Variants in ADAMTS3 observed in about 807,000 individuals in gnomAD.
ADAMTS3 encodes A disintegrin and metalloproteinase with thrombospondin motifs 3.
A neutral mutation model predicts 129.0 loss-of-function variants in ADAMTS3; 73 were observed. The ratio of observed to expected loss-of-function variants is 0.57; its 90% CI spans 0.47 to 0.69. The LOEUF (loss-of-function observed/expected upper bound fraction) is 0.69, where lower values mean the gene tolerates loss of function less well. Ranked by LOEUF, ADAMTS3 falls within the 30% of genes least tolerant of loss-of-function variation. The probability of loss-of-function intolerance (pLI) is 0.00; values close to 1 mark genes in which losing one functional copy is unlikely to be tolerated. For missense variants in ADAMTS3, 1,457 were observed against 1,514.5 expected (o/e 0.96, Z 0.63); for synonymous variants, 477 against 510.8 (o/e 0.93, Z 0.89).
chr4:72,460,319 A>T (rs990984238), intron 3 of ADAMTS3, among the ~76,000 whole-genome samples: 2 of 151,616 alleles, frequency 1.3e-5, no homozygotes, highest in African/African-American at 2.4e-5. Flanking sequence ...CACATAGTAT[A>T]TGAACGTGTG....
At chr4:72,533,107 T>C (rs768355710) in intron 3 of ADAMTS3, among the ~76,000 whole-genome samples, 2 of 152,170 alleles carry the variant, frequency 1.3e-5, no homozygotes, top group African/African-American at 2.4e-5. Flanking sequence ...TATTTTATAA[T>C]TATACTTAGC....
chr4:72,346,729 T>A (rs1185468904), intron 4 of ADAMTS3, among the ~76,000 whole-genome samples: 1 of 152,194 alleles, frequency 6.6e-6, no homozygotes, highest in African/African-American at 2.4e-5. Flanking sequence ...CTCGTTGTTA[T>A]AGCTGAGATT....
intron 3 of ADAMTS3, among the ~76,000 whole-genome samples, chr4:72,455,897 T>TATAC (rs1560522071): frequency 3.3e-5 from 4 of 119,446 alleles, no homozygotes; most frequent in Non-Finnish European, 6.7e-5. Flanking sequence ...ATTTTATATA[T>TATAC]AGTATATACA....
chr4:72,439,470 CT>C (rs1718054648), intron 3 of ADAMTS3, among the ~76,000 whole-genome samples: 1 of 151,426 alleles, frequency 6.6e-6, no homozygotes, highest in African/African-American at 2.4e-5. Flanking sequence ...CATCAGTTTC[CT>C]TATTTTTTTC....
chr4:72,423,821 T>G (rs1467463394), intron 3 of ADAMTS3, among the ~76,000 whole-genome samples: 1 of 152,028 alleles, frequency 6.6e-6, no homozygotes, highest in East Asian at 1.9e-4. Flanking sequence ...GTACTATCTC[T>G]CTACTTAAAT....
chr4:72,552,565 A>G (rs1721671562), intron 2 of ADAMTS3, among the ~76,000 whole-genome samples: 1 of 152,140 alleles, frequency 6.6e-6, no homozygotes, highest in African/African-American at 2.4e-5. Flanking sequence ...CCCTTAATGG[A>G]TTATCCTCAA....
chr4:72,499,093 A>C (rs1719943127), intron 3 of ADAMTS3, among the ~76,000 whole-genome samples: 1 of 152,116 alleles, frequency 6.6e-6, no homozygotes, highest in South Asian at 2.1e-4. Context: ...TATTTTAGCA[A>C]GCACCCCATG....
At chr4:72,347,434 G>T (rs1456922455) in intron 4 of ADAMTS3, among the ~76,000 whole-genome samples, 4 of 151,750 alleles carry the variant, frequency 2.6e-5, no homozygotes, top group African/African-American at 9.7e-5. Flanking sequence ...TTCTTCTGTA[G>T]TCAACTATTC....
chr4:72,337,655 C>G lies in ADAMTS3; in HGVS notation c.861+1839G>C, dbSNP rs116539151. The stretch of plus-strand genomic sequence containing the variant: ...TGACTAAAACTAAAGCCTTACCCTC[C>G]TAAGTCCCAATTTAATACTTTTATC... On this transcript the variant is annotated intron_variant, in intron 5 of 21. Transcript: ENST00000286657. Among the ~76,000 whole-genome samples the G allele has an allele frequency of 4.5e-3, 688 of 152,218 alleles. 4 individuals are homozygous for G. Among genetic ancestry groups the G allele is most frequent in the African/African-American group, 0.016 (659 of 41,562 alleles).
At chr4:72,479,731 A>C (rs1719370617) in intron 3 of ADAMTS3, among the ~76,000 whole-genome samples, 1 of 152,194 alleles carries the variant, frequency 6.6e-6, no homozygotes, top group Non-Finnish European at 1.5e-5. Context: ...GCACAGCAAA[A>C]GAAACTACCA....
intron 4 of ADAMTS3, among the ~76,000 whole-genome samples, chr4:72,380,763 T>C (rs1721266158): frequency 6.6e-6 from 1 of 152,126 alleles, no homozygotes; most frequent in Non-Finnish European, 1.5e-5. Context: ...AAAGTGGCAG[T>C]CATCTCAGAG....
chr4:72,380,827 C>T lies in ADAMTS3; in HGVS notation c.661+33988G>A, dbSNP rs75229108. Among the ~76,000 whole-genome samples, 401 of 152,236 alleles carry T rather than the reference C, an allele frequency of 2.6e-3. 1 individual carries two copies. The highest frequency in any genetic ancestry group is 9.5e-3 in the African/African-American group (395 of 41,552). ...TTGAGAAACAAATTCCATAGAAATA[C>T]ATCATCTTGACATCTTAGTAAAGTG... On this transcript the variant is annotated intron_variant, in intron 4 of 21. Coordinates refer to ENST00000286657, the MANE Select transcript of ADAMTS3 (RefSeq NM_014243.3).
intron 14 of ADAMTS3, 53 bp from the exon 15 acceptor site, chr4:72,309,573 C>T: frequency 6.3e-7 from 1 of 1,589,670 alleles, no homozygotes; most frequent in Non-Finnish European, 8.6e-7. Context: ...CAGTAGTGGT[C>T]AACATCCCAG....
Position 72,553,740 on chromosome 4 carries a change from G to C in ADAMTS3, c.98-4856C>G, listed in dbSNP as rs949070403. Reference sequence around the variant, plus strand: ...GAAATGAGTCTGATAAGGGGTACATGTTCTCTTCCACTCAGCCAGGGGCAG... The same window carrying C: ...GAAATGAGTCTGATAAGGGGTACATCTTCTCTTCCACTCAGCCAGGGGCAG... On this transcript the variant is annotated intron_variant, in intron 2 of 21. Coordinates refer to ENST00000286657, the MANE Select transcript of ADAMTS3 (RefSeq NM_014243.3). Among the ~76,000 whole-genome samples the C allele has an allele frequency of 2.0e-5, 3 of 152,022 alleles. No homozygotes were observed. In the East Asian group the frequency reaches 5.8e-4, roughly 29 times the overall value.
intron 3 of ADAMTS3, among the ~76,000 whole-genome samples, chr4:72,530,268 A>G (rs1157207151): frequency 1.2e-5 from 1 of 82,038 alleles, no homozygotes; most frequent in Non-Finnish European, 2.1e-5. Context: ...TATTATATAT[A>G]ATATATAATA....
chr4:72,480,612 G>T lies in ADAMTS3; in HGVS notation c.505-65641C>A, dbSNP rs553665814. ...CTAATGCTAAATGACGAGTTAATGGGTGCAGCACACCAGCATGGCACATGT... is the reference window on the plus strand; with the variant it reads ...CTAATGCTAAATGACGAGTTAATGGTTGCAGCACACCAGCATGGCACATGT... On this transcript the variant is annotated intron_variant, in intron 3 of 21. Coordinates refer to ENST00000286657, the MANE Select transcript of ADAMTS3 (RefSeq NM_014243.3). Among the ~76,000 whole-genome samples, 64 of 151,752 alleles carry T rather than the reference G, an allele frequency of 4.2e-4. 3 individuals are homozygous for T. The highest frequency in any genetic ancestry group is 2.4e-4 in the Non-Finnish European group (16 of 67,918).
intron 8 of ADAMTS3, 104 bp from the exon 9 acceptor site, chr4:72,319,579 C>T (rs920806521): frequency 1.7e-5 from 23 of 1,377,100 alleles, no homozygotes; most frequent in Middle Eastern, 1.9e-4. Flanking sequence ...TTTGAGTCAA[C>T]GTGGCTTTCT....
rs145715680 is a variant in ADAMTS3 at position 72,545,676 on chromosome 4, T to A, written c.504+2802A>T. On this transcript the variant is annotated intron_variant, in intron 3 of 21. Coordinates refer to ENST00000286657, the MANE Select transcript of ADAMTS3 (RefSeq NM_014243.3). ...AAGTCTCAAATCAGCATGTAATCCA[T>A]GAAGGCACAGATATCTCTTCTGTCT... 3.9e-3 allele frequency among the ~76,000 whole-genome samples: 590 copies of A among 152,266 alleles called. 6 individuals carry two copies. The highest frequency in any genetic ancestry group is 0.014 in the African/African-American group (569 of 41,558).
At chr4:72,545,004 A>T (rs1721429205) in intron 3 of ADAMTS3, among the ~76,000 whole-genome samples, 1 of 152,126 alleles carries the variant, frequency 6.6e-6, no homozygotes, top group Admixed American at 6.5e-5. Context: ...TGGTACTTAT[A>T]ATAATAAATA....
Sources: allele counts gnomAD v4.1 joint callset (sites outside exome capture counted in the v4.1 genomes callset), GRCh38; gene constraint gnomAD v4.1.1; transcripts MANE v1.5; gene names NCBI Gene and HGNC (gene_info 2026-07-23, HGNC 2026-07-21).